Variants in CRACDL observed in about 807,000 individuals in gnomAD.
The protein encoded by CRACDL is CRACD-like protein.
A neutral mutation model predicts 70.6 loss-of-function variants in CRACDL; 26 were observed. The observed-to-expected ratio is 0.37, with a 90% confidence interval of 0.27 to 0.51. The LOEUF is 0.51. Ranked by LOEUF, CRACDL falls within the 20% of genes least tolerant of loss-of-function variation. CRACDL has a pLI of 0.94. For synonymous variants in CRACDL, 618 were observed against 615.2 expected (o/e 1.00, Z -0.07); for missense variants, 1,283 against 1,376.9 (o/e 0.93, Z 1.08).
intron 1 of CRACDL, among the ~76,000 whole-genome samples, chr2:98,882,910 G>T (rs1004292129): frequency 1.1e-4 from 17 of 152,218 alleles, no homozygotes; most frequent in Non-Finnish European, 2.1e-4. Context: ...GATTCACAGG[G>T]TAGAGGGATG....
Position 98,913,675 on chromosome 2 carries a change from C to T in CRACDL, c.-11+22263G>A, listed in dbSNP as rs541101448. Among the ~76,000 whole-genome samples the T allele has an allele frequency of 8.5e-5, 13 of 152,284 alleles. No homozygotes were observed. The South Asian group carries it at 2.7e-3, about 32-fold the overall frequency. On this transcript the variant is annotated intron_variant, in intron 1 of 9. Transcript: ENST00000397899. Reference sequence around the variant, plus strand: ...AGGCAAGTCTGGGCATCTGAGGAGTCACGGAAAGCATGGTCTTCGGGAGCA... The same window carrying T: ...AGGCAAGTCTGGGCATCTGAGGAGTTACGGAAAGCATGGTCTTCGGGAGCA...
intron 5 of CRACDL, among the ~76,000 whole-genome samples, chr2:98,828,392 C>A (rs555387743): frequency 6.6e-6 from 1 of 152,346 alleles, no homozygotes; most frequent in South Asian, 2.1e-4. Flanking sequence ...GAGTTTTATT[C>A]ACACAACAAT....
chr2:98,909,371 G>T (rs1708490193), intron 1 of CRACDL, among the ~76,000 whole-genome samples: 1 of 152,198 alleles, frequency 6.6e-6, no homozygotes, highest in Non-Finnish European at 1.5e-5. Context: ...TGTCACTGCT[G>T]TAACTTATAA....
chr2:98,924,921 C>G (rs1043442381), intron 1 of CRACDL, among the ~76,000 whole-genome samples: 6 of 152,238 alleles, frequency 3.9e-5, no homozygotes, highest in African/African-American at 1.4e-4. Flanking sequence ...CTTTCCTTCT[C>G]CCTACAGCCC....
chr2:98,836,669 G>A (rs1705796700), intron 3 of CRACDL, among the ~76,000 whole-genome samples: 1 of 152,174 alleles, frequency 6.6e-6, no homozygotes, highest in Non-Finnish European at 1.5e-5. Context: ...TCAAGAGACA[G>A]GGGTGGATGG....
intron 1 of CRACDL, among the ~76,000 whole-genome samples, chr2:98,888,666 T>C (rs181417478): frequency 4.1e-4 from 62 of 152,278 alleles, no homozygotes; most frequent in African/African-American, 1.4e-3. Flanking sequence ...TCCCACCTTA[T>C]TAAAAATTAT....
intron 1 of CRACDL, among the ~76,000 whole-genome samples, chr2:98,928,937 G>A (rs893988733): frequency 6.6e-6 from 1 of 152,124 alleles, no homozygotes; most frequent in Admixed American, 6.5e-5. Flanking sequence ...TCACAGCTCA[G>A]AGACCGAATC....
At chr2:98,896,140 T>C (rs1489334748) in intron 1 of CRACDL, among the ~76,000 whole-genome samples, 1 of 150,448 alleles carries the variant, frequency 6.6e-6, no homozygotes, top group Non-Finnish European at 1.5e-5. Flanking sequence ...ACAGGAGGAG[T>C]AGGCCAATTT....
intron 1 of CRACDL, among the ~76,000 whole-genome samples, chr2:98,870,556 C>G (rs561482779): frequency 6.6e-6 from 1 of 152,160 alleles, no homozygotes; most frequent in East Asian, 1.9e-4. Flanking sequence ...TGGAGAGTCC[C>G]CTGTATCCTG....
At chr2:98,876,581 G>T (rs1292316716) in intron 1 of CRACDL, among the ~76,000 whole-genome samples, 1 of 152,158 alleles carries the variant, frequency 6.6e-6, no homozygotes, top group African/African-American at 2.4e-5. Flanking sequence ...GGTGTGAGGT[G>T]GAACAACTTT....
At chr2:98,878,443 C>T (rs952833521) in intron 1 of CRACDL, among the ~76,000 whole-genome samples, 1 of 152,192 alleles carries the variant, frequency 6.6e-6, no homozygotes, top group Admixed American at 6.5e-5. Context: ...AAGAAACAGG[C>T]CACATGTAGC....
intron 7 of CRACDL, among the ~76,000 whole-genome samples, chr2:98,802,204 G>A (rs1485159949): frequency 6.6e-6 from 1 of 152,260 alleles, no homozygotes; most frequent in African/African-American, 2.4e-5. Flanking sequence ...GTCTGATCGG[G>A]GCTGCCCTGC....
At chr2:98,856,512 C>CA (rs1191483643) in intron 1 of CRACDL, among the ~76,000 whole-genome samples, 2 of 152,084 alleles carry the variant, frequency 1.3e-5, no homozygotes, top group South Asian at 2.1e-4. Flanking sequence ...TGAATCTACA[C>CA]AAAAAATCAG....
chr2:98,931,402 C>T (rs1410129642), intron 1 of CRACDL, among the ~76,000 whole-genome samples: 1 of 151,322 alleles, frequency 6.6e-6, no homozygotes, highest in African/African-American at 2.4e-5. Context: ...AAAAAGAAGG[C>T]AACCTCTCTG....
At chr2:98,917,153 T>A (rs1361865418) in intron 1 of CRACDL, among the ~76,000 whole-genome samples, 1 of 152,212 alleles carries the variant, frequency 6.6e-6, no homozygotes, top group Non-Finnish European at 1.5e-5. Flanking sequence ...CATTCCCTTG[T>A]GACTAAGCAT....
At chr2:98,933,965 C>T (rs186850207) in intron 1 of CRACDL, among the ~76,000 whole-genome samples, 390 of 152,072 alleles carry the variant, frequency 2.6e-3, no homozygotes, top group Non-Finnish European at 3.9e-3. Flanking sequence ...CGCCTCCTCA[C>T]AGTGTCCTCA....
At chr2:98,795,073 A>ATTTT (rs1468056572) in intron 9 of CRACDL, among the ~76,000 whole-genome samples, 425 of 20,062 alleles carry the variant, frequency 0.021, 59 homozygotes, top group African/African-American at 0.044. Flanking sequence ...ATATATATAT[A>ATTTT]TATATTTTTT....
At chr2:98,894,125 G>C (rs1708054973) in intron 1 of CRACDL, among the ~76,000 whole-genome samples, 1 of 152,202 alleles carries the variant, frequency 6.6e-6, no homozygotes, top group South Asian at 2.1e-4. Context: ...AGTGGCGCTG[G>C]CTATATAGTT....
intron 1 of CRACDL, among the ~76,000 whole-genome samples, chr2:98,896,210 C>T (rs796275757): frequency 1.3e-5 from 2 of 152,094 alleles, no homozygotes; most frequent in Non-Finnish European, 2.9e-5. Flanking sequence ...GGAGAAGACA[C>T]GGCAAGCATG....
Sources: allele counts gnomAD v4.1 joint callset (sites outside exome capture counted in the v4.1 genomes callset), GRCh38; gene constraint gnomAD v4.1.1; transcripts MANE v1.5; gene names NCBI Gene and HGNC (gene_info 2026-07-23, HGNC 2026-07-21).